Variants in PCED1B observed in about 807,000 individuals in gnomAD.
PCED1B encodes the protein PC-esterase domain containing 1B, also known as PC-esterase domain-containing protein 1B.
For synonymous variants in PCED1B, 251 were observed against 246.1 expected (o/e 1.02, Z -0.19); for missense variants, 573 against 573.9 (o/e 1.00, Z 0.02).
At position 47,235,293 on chromosome 12, in the gene PCED1B, G is replaced by T. The variant is rs758688577; in HGVS notation, c.230G>T (p.Arg77Leu). The T allele has an allele frequency of 6.2e-7, 1 of 1,614,052 alleles. No homozygotes were observed. Among genetic ancestry groups the T allele is most frequent in the Non-Finnish European group, 8.5e-7 (1 of 1,180,034 alleles). Residue 77 changes from arginine to leucine, a missense_variant, in exon 4 of 4, where the codon CGT becomes CTT. Arg to Leu is a moderately radical substitution (Grantham distance 102). Coordinates refer to ENST00000546455, the MANE Select transcript of PCED1B (RefSeq NM_138371.3). Reference protein sequence around the residue: ...RGHMHNGLNYREVREFRSDHH... With the variant: ...RGHMHNGLNYLEVREFRSDHH... ...CACATGCACAACGGCCTTAACTACCGTGAGGTCCGCGAGTTCCGCTCCGAC... is the reference window on the plus strand; with the variant it reads ...CACATGCACAACGGCCTTAACTACCTTGAGGTCCGCGAGTTCCGCTCCGAC...
intron 1 of PCED1B, among the ~76,000 whole-genome samples, chr12:47,083,905 G>A (rs1427678008): frequency 6.6e-6 from 1 of 152,056 alleles, no homozygotes; most frequent in East Asian, 1.9e-4. Context: ...GACATAGGCC[G>A]GACAGTTTTT....
At chr12:47,234,492 CTTTTATA>C (rs1943909581) in intron 3 of PCED1B, among the ~76,000 whole-genome samples, 1 of 152,164 alleles carries the variant, frequency 6.6e-6, no homozygotes, top group African/African-American at 2.4e-5. Flanking sequence ...ATGCATATCT[CTTTTATA>C]TAGTTTAAGT....
chr12:47,133,095 T>C (rs1025554028), intron 2 of PCED1B, among the ~76,000 whole-genome samples: 1 of 152,228 alleles, frequency 6.6e-6, no homozygotes, highest in Non-Finnish European at 1.5e-5. Context: ...TGTAGTTCCA[T>C]AAAATGATGC....
At chr12:47,085,383 G>A (rs1427130823) in intron 1 of PCED1B, among the ~76,000 whole-genome samples, 2 of 152,356 alleles carry the variant, frequency 1.3e-5, no homozygotes, top group East Asian at 3.9e-4. Flanking sequence ...AATGACGTCA[G>A]TCCCATTGCT....
chr12:47,164,701 C>T (rs1387649811), intron 2 of PCED1B, among the ~76,000 whole-genome samples: 1 of 152,250 alleles, frequency 6.6e-6, no homozygotes, highest in Admixed American at 6.5e-5. Flanking sequence ...TCTGCCTGGG[C>T]TCCCAGGCTT....
At chr12:47,176,636 G>A (rs1941933880) in intron 2 of PCED1B, among the ~76,000 whole-genome samples, 1 of 152,120 alleles carries the variant, frequency 6.6e-6, no homozygotes, top group Admixed American at 6.5e-5. Context: ...GTTTTCCTGG[G>A]TTCTATGAGC....
intron 2 of PCED1B, chr12:47,138,404 G>A (rs921309647): frequency 3.9e-5 from 6 of 152,144 alleles, no homozygotes; most frequent in Admixed American, 1.3e-4. Flanking sequence ...AGTAGACTTC[G>A]ACCTTTCCAG....
At chr12:47,223,756 G>T (rs1459449237) in intron 3 of PCED1B, 2 of 152,386 alleles carry the variant, frequency 1.3e-5, no homozygotes, top group East Asian at 1.9e-4. Context: ...GGTTCTGTCT[G>T]CAGGCCTGTG....
intron 2 of PCED1B, among the ~76,000 whole-genome samples, chr12:47,193,298 G>A (rs562727187): frequency 1.3e-5 from 2 of 152,242 alleles, no homozygotes; most frequent in East Asian, 1.9e-4. Flanking sequence ...GCATCTGACC[G>A]TCCCCACTTC....
chr12:47,227,464 T>C (rs536036297), intron 3 of PCED1B, among the ~76,000 whole-genome samples: 123 of 152,090 alleles, frequency 8.1e-4, no homozygotes, highest in African/African-American at 2.1e-3. Context: ...AGAGCCACCG[T>C]GCCCGGCCCC....
Position 47,226,927 on chromosome 12 carries a change from A to G in PCED1B, c.-57-8080A>G, listed in dbSNP as rs148336183. On this transcript the variant is annotated intron_variant, in intron 3 of 3. Coordinates refer to ENST00000546455, the MANE Select transcript of PCED1B (RefSeq NM_138371.3). ...ATGCTATCGACATTTTTTTTAAATT[A>G]GAGAAGGTTTATGTCTCCAAATTAT... Among the ~76,000 whole-genome samples, 700 of 152,200 alleles carry G rather than the reference A, an allele frequency of 4.6e-3. 11 individuals carry two copies. Among genetic ancestry groups the G allele is most frequent in the African/African-American group, 0.015 (638 of 41,532 alleles).
chr12:47,089,007 G>A lies in PCED1B; in HGVS notation c.-609+9282G>A, dbSNP rs535883765. 6.6e-5 allele frequency among the ~76,000 whole-genome samples: 10 copies of A among 152,174 alleles called. No homozygotes were observed. In the East Asian group the frequency reaches 1.9e-3, roughly 29 times the overall value. ...TGAACATTAATATGTTTGTTTGTAG[G>A]GGTACCTGGGTGCAAGATAGGCAAT... On this transcript the variant is annotated intron_variant, in intron 1 of 3. Coordinates refer to ENST00000546455, the MANE Select transcript of PCED1B (RefSeq NM_138371.3).
Position 47,235,725 on chromosome 12 carries a change from C to T in PCED1B, c.662C>T (p.Ala221Val), listed in dbSNP as rs1284248873. ...VLDLHFHFRH[A>V]RENLHWDGVH... ...GACTTGCATTTCCACTTCCGCCACG[C>T]GAGGGAGAACCTGCACTGGGACGGG... The change falls in exon 4 of 4, where the codon GCG becomes GTG. Residue 221 changes from alanine to valine, a missense_variant. Physicochemically the swap from Ala to Val is moderately conservative, Grantham distance 64. Coordinates refer to ENST00000546455, the MANE Select transcript of PCED1B (RefSeq NM_138371.3). 6.2e-7 allele frequency: 1 copy of T among 1,609,902 alleles called. No homozygotes were observed. Among genetic ancestry groups the T allele is most frequent in the Non-Finnish European group, 8.5e-7 (1 of 1,178,400 alleles).
chr12:47,230,417 A>G (rs1262221554), intron 3 of PCED1B, among the ~76,000 whole-genome samples: 1 of 151,086 alleles, frequency 6.6e-6, no homozygotes, highest in African/African-American at 2.4e-5. Context: ...ATTCACACGT[A>G]AGTACTTCAT....
At chr12:47,217,496 G>GA (rs1349612574) in intron 3 of PCED1B, among the ~76,000 whole-genome samples, 8 of 129,228 alleles carry the variant, frequency 6.2e-5, no homozygotes, top group African/African-American at 2.8e-4. Flanking sequence ...AAGAAAGAAA[G>GA]AAAGAAAGAA....
rs61503188 is a variant in PCED1B at position 47,169,560 on chromosome 12, T to C, written c.-525-46662T>C. On this transcript the variant is annotated intron_variant, in intron 2 of 3. Coordinates refer to ENST00000546455, the MANE Select transcript of PCED1B (RefSeq NM_138371.3). Reference sequence around the variant, plus strand: ...GTCATTATTACTATTTTTTGCCCCATTGGATTTGGAGAATTCTGAAAGACA... The same window carrying C: ...GTCATTATTACTATTTTTTGCCCCACTGGATTTGGAGAATTCTGAAAGACA... Among the ~76,000 whole-genome samples the C allele has an allele frequency of 3.2e-3, 483 of 152,322 alleles. 5 individuals are homozygous for C. The highest frequency in any genetic ancestry group is 0.011 in the African/African-American group (462 of 41,576).
At chr12:47,162,604 G>A (rs1738822114) in intron 2 of PCED1B, among the ~76,000 whole-genome samples, 1 of 152,158 alleles carries the variant, frequency 6.6e-6, no homozygotes, top group South Asian at 2.1e-4. Context: ...AATCATGATG[G>A]AAGGCAAAGA....
At chr12:47,134,453 T>C (rs11183755) in intron 2 of PCED1B, among the ~76,000 whole-genome samples, 39,200 of 152,132 alleles carry the variant, frequency 0.26, 5,642 homozygotes, top group Non-Finnish European at 0.33. Flanking sequence ...AATACATGTA[T>C]CTGGCTAGAA....
intron 2 of PCED1B, among the ~76,000 whole-genome samples, chr12:47,151,195 C>T (rs1205426807): frequency 6.6e-6 from 1 of 151,706 alleles, no homozygotes; most frequent in Non-Finnish European, 1.5e-5. Flanking sequence ...TGCATAACAA[C>T]ATTTTAGTCA....
Sources: gnomAD v4.1 joint callset for allele counts (sites outside exome capture counted in the v4.1 genomes callset) on GRCh38, gnomAD v4.1.1 for gene constraint, MANE v1.5 for transcripts, NCBI Gene and HGNC (gene_info 2026-07-23, HGNC 2026-07-21) for gene names.